NELL1: variants seen among roughly 807,000 people sequenced by gnomAD.
NELL1 encodes protein kinase C-binding protein NELL1.
A neutral mutation model predicts 107.4 loss-of-function variants in NELL1; 76 were observed. The ratio of observed to expected loss-of-function variants is 0.71; its 90% CI spans 0.59 to 0.86. The LOEUF (loss-of-function observed/expected upper bound fraction) is 0.86. Ranked by LOEUF, NELL1 falls within the 40% of genes least tolerant of loss-of-function variation. NELL1 has a pLI of 0.00. For missense variants in NELL1, 1,024 were observed against 1,005.5 expected (o/e 1.02, Z -0.25); for synonymous variants, 353 against 341.2 (o/e 1.03, Z -0.38).
At chr11:21,092,989 G>A (rs1565054953) in intron 12 of NELL1, among the ~76,000 whole-genome samples, 1 of 152,148 alleles carries the variant, frequency 6.6e-6, no homozygotes, top group Non-Finnish European at 1.5e-5. Context: ...CTTGGAGTCT[G>A]GTATACAAGT....
intron 15 of NELL1, among the ~76,000 whole-genome samples, chr11:21,499,478 G>T (rs1855080704): frequency 1.3e-5 from 2 of 152,026 alleles, no homozygotes; most frequent in South Asian, 2.1e-4. Context: ...GTCATTTGGT[G>T]TTTGGTAAAA....
chr11:21,548,445 T>A (rs1473097879), intron 16 of NELL1, among the ~76,000 whole-genome samples: 5 of 151,776 alleles, frequency 3.3e-5, no homozygotes. Flanking sequence ...GGCCTCAAAA[T>A]CACGGTGGAA....
chr11:20,870,140 G>A (rs1849169291), intron 4 of NELL1, among the ~76,000 whole-genome samples: 1 of 152,128 alleles, frequency 6.6e-6, no homozygotes, highest in Admixed American at 6.5e-5. Context: ...GGTAAGTAGG[G>A]CAGGCATCAT....
intron 16 of NELL1, among the ~76,000 whole-genome samples, chr11:21,539,014 C>T (rs1291024603): frequency 6.6e-6 from 1 of 152,040 alleles, no homozygotes; most frequent in Non-Finnish European, 1.5e-5. Context: ...TCCCCATAGC[C>T]CCATTTCCAT....
chr11:20,743,111 G>A (rs1855928091), intron 2 of NELL1, among the ~76,000 whole-genome samples: 1 of 152,128 alleles, frequency 6.6e-6, no homozygotes, highest in South Asian at 2.1e-4. Flanking sequence ...CCAGCACTTT[G>A]GGAGGCCTAG....
intron 10 of NELL1, among the ~76,000 whole-genome samples, chr11:20,946,592 A>G (rs1019796893): frequency 6.6e-6 from 1 of 152,166 alleles, no homozygotes; most frequent in Non-Finnish European, 1.5e-5. Flanking sequence ...ATTCCTGCCT[A>G]CATGCCTTGG....
chr11:21,007,109 A>T (rs992238743), intron 12 of NELL1, among the ~76,000 whole-genome samples: 5 of 152,086 alleles, frequency 3.3e-5, no homozygotes, highest in African/African-American at 1.2e-4. Flanking sequence ...GCAAGGAAGG[A>T]TTCTATTCCA....
At chr11:21,028,468 C>T (rs1042030413) in intron 12 of NELL1, among the ~76,000 whole-genome samples, 1 of 152,130 alleles carries the variant, frequency 6.6e-6, no homozygotes, top group Admixed American at 6.6e-5. Flanking sequence ...ATTGGCATTT[C>T]AAAGTGCAGT....
intron 14 of NELL1, among the ~76,000 whole-genome samples, chr11:21,246,022 T>TG (rs1018745011): frequency 6.6e-6 from 1 of 151,966 alleles, no homozygotes; most frequent in African/African-American, 2.4e-5. Flanking sequence ...TAATACAAAT[T>TG]GTTTTTTTTT....
At chr11:21,124,273 T>C (rs1484730160) in intron 13 of NELL1, among the ~76,000 whole-genome samples, 1 of 152,164 alleles carries the variant, frequency 6.6e-6, no homozygotes, top group Non-Finnish European at 1.5e-5. Context: ...CTCCTAAATG[T>C]TACCTCAGTA....
intron 7 of NELL1, among the ~76,000 whole-genome samples, chr11:20,925,491 G>A (rs1850476432): frequency 6.9e-6 from 1 of 144,034 alleles, no homozygotes; most frequent in Non-Finnish European, 1.5e-5. Context: ...TCGCCATGTT[G>A]GCTGGGTTGG....
chr11:20,676,284 C>A (rs1353018394), intron 1 of NELL1, among the ~76,000 whole-genome samples: 1 of 148,328 alleles, frequency 6.7e-6, no homozygotes, highest in Non-Finnish European at 1.5e-5. Context: ...TATCCCATTA[C>A]TCTATTTTCT....
intron 15 of NELL1, among the ~76,000 whole-genome samples, chr11:21,532,275 G>T (rs1856009778): frequency 6.6e-6 from 1 of 152,148 alleles, no homozygotes; most frequent in South Asian, 2.1e-4. Flanking sequence ...AGACTCCTGT[G>T]CTATACAGAT....
chr11:20,698,147 C>T (rs1590213729), intron 2 of NELL1, among the ~76,000 whole-genome samples: 1 of 152,132 alleles, frequency 6.6e-6, no homozygotes, highest in South Asian at 2.1e-4. Context: ...ATTCACATAC[C>T]AGTGTCTCCC....
At chr11:21,330,423 A>T (rs1460991515) in intron 14 of NELL1, among the ~76,000 whole-genome samples, 1 of 152,100 alleles carries the variant, frequency 6.6e-6, no homozygotes, top group East Asian at 1.9e-4. Flanking sequence ...TACTAGCAAC[A>T]AATTCTGTCA....
At chr11:21,294,545 G>A (rs1381168481) in intron 14 of NELL1, among the ~76,000 whole-genome samples, 2 of 151,926 alleles carry the variant, frequency 1.3e-5, no homozygotes, top group Non-Finnish European at 2.9e-5. Context: ...TAGTTATTAT[G>A]CATTATTGAG....
chr11:21,028,938 G>A (rs1041301495), intron 12 of NELL1, among the ~76,000 whole-genome samples: 6 of 152,042 alleles, frequency 3.9e-5, no homozygotes, highest in Non-Finnish European at 8.8e-5. Flanking sequence ...GTGGTTTCTG[G>A]AATTTAGTAG....
At chr11:21,010,121 G>A (rs957961683) in intron 12 of NELL1, among the ~76,000 whole-genome samples, 3 of 151,866 alleles carry the variant, frequency 2.0e-5, no homozygotes, top group Non-Finnish European at 4.4e-5. Context: ...GTAGAGCATT[G>A]TTTAATTCAT....
rs1565175631 is a variant in NELL1 at position 21,337,842 on chromosome 11, TTTC to T, written c.1550-33008_1550-33006del. ...CTTCTTTCTTTCTTTCTTTCTTTTC[TTTC>T]TTTCTTTCTTTCTTTCTTTCTTTCT... On this transcript the variant is annotated intron_variant, in intron 14 of 19. Coordinates refer to ENST00000357134, the MANE Select transcript of NELL1 (RefSeq NM_006157.5). Among the ~76,000 whole-genome samples, 24 of 138,962 alleles carry T rather than the reference TTTC, an allele frequency of 1.7e-4. 1 individual carries two copies. The highest frequency in any genetic ancestry group is 2.7e-4 in the Non-Finnish European group (17 of 64,016). 91.2% of individuals were successfully genotyped at this position (138,962 alleles called of 152,430 possible). A position where few individuals can be genotyped will look rare whatever the true frequency, so the allele number is the denominator to read the frequency against.
Sources: allele counts gnomAD v4.1 joint callset (sites outside exome capture counted in the v4.1 genomes callset), GRCh38; gene constraint gnomAD v4.1.1; transcripts MANE v1.5; gene names NCBI Gene and HGNC (gene_info 2026-07-23, HGNC 2026-07-21).